VPS54: variants seen among roughly 807,000 people sequenced by gnomAD.
VPS54 encodes the protein vacuolar protein sorting-associated protein 54.
Under a neutral mutation model 121.5 loss-of-function variants are expected in VPS54, and 45 were observed. The ratio of observed to expected loss-of-function variants is 0.37; its 90% CI spans 0.29 to 0.47. VPS54 has a LOEUF of 0.47. Among genes scored for constraint, VPS54 ranks in the 20% least tolerant of loss-of-function variants. The probability of loss-of-function intolerance (pLI) is 0.99; values close to 1 mark genes in which losing one functional copy is unlikely to be tolerated. For missense variants in VPS54, 1,090 were observed against 1,131.4 expected (o/e 0.96, Z 0.52); for synonymous variants, 371 against 385.8 (o/e 0.96, Z 0.45).
At chr2:63,913,414 A>G (rs1188358601) in intron 17 of VPS54, 104 bp from the exon 18 acceptor site, 3 of 691,878 alleles carry the variant, frequency 4.3e-6, no homozygotes. Context: ...CTCTCATTCA[A>G]TGGCCAAATG....
chr2:64,015,279 G>A (rs949392625), intron 1 of VPS54, among the ~76,000 whole-genome samples: 1 of 151,992 alleles, frequency 6.6e-6, no homozygotes, highest in South Asian at 2.1e-4. Flanking sequence ...TTTCAGATTT[G>A]AAGACAACCT....
intron 12 of VPS54, among the ~76,000 whole-genome samples, chr2:63,927,456 T>G (rs1009724900): frequency 1.3e-5 from 2 of 152,034 alleles, no homozygotes; most frequent in Non-Finnish European, 2.9e-5. Context: ...AACAAAGGAA[T>G]AGCATCAACA....
At chr2:63,985,916 A>G (rs1008867078) in intron 1 of VPS54, among the ~76,000 whole-genome samples, 2 of 152,242 alleles carry the variant, frequency 1.3e-5, no homozygotes, top group East Asian at 3.8e-4. Flanking sequence ...ATAAACATGT[A>G]TCTTTATCTA....
chr2:63,973,594 T>C (rs1436540554), intron 3 of VPS54, among the ~76,000 whole-genome samples: 3 of 152,222 alleles, frequency 2.0e-5, no homozygotes, highest in African/African-American at 7.2e-5. Context: ...TCTAGTTCTG[T>C]TGCCCAGGCT....
intron 2 of VPS54, among the ~76,000 whole-genome samples, chr2:63,982,733 G>A (rs1158234928): frequency 6.6e-6 from 1 of 152,130 alleles, no homozygotes; most frequent in East Asian, 1.9e-4. Context: ...GCGCTTAGGG[G>A]CAATTTAAAC....
rs1286828125 is a variant in VPS54, at chr2:63,970,244, T to TATATATATATATATAGATATATATAG, written c.458-1254_458-1253insCTATATATATCTATATATATATATAT. On this transcript the variant is annotated intron_variant, in intron 4 of 22. Coordinates refer to ENST00000272322, the MANE Select transcript of VPS54 (RefSeq NM_016516.3). Reference sequence around the variant, plus strand: ...ACACACACACACACACACATTCTAATATATATATAGATATATATAGATATA... The same window carrying TATATATATATATATAGATATATATAG: ...ACACACACACACACACACATTCTAATATATATATATATATAGATATATATAGATATATATAGATATATATAGATATA... Among the ~76,000 whole-genome samples the TATATATATATATATAGATATATATAG allele has an allele frequency of 2.4e-3, 233 of 97,906 alleles. 4 individuals are homozygous for TATATATATATATATAGATATATATAG. The highest frequency in any genetic ancestry group is 8.7e-3 in the African/African-American group (213 of 24,472). The allele number at this position is 97,906 out of a possible 152,430, so 64.2% of individuals were successfully genotyped here. A position where few individuals can be genotyped will look rare whatever the true frequency, so the allele number is the denominator to read the frequency against.
intron 1 of VPS54, among the ~76,000 whole-genome samples, chr2:63,994,650 C>T (rs574552801): frequency 2.6e-5 from 4 of 152,306 alleles, no homozygotes; most frequent in African/African-American, 9.6e-5. Context: ...TACAGAGAAA[C>T]CAGGACATTT....
At chr2:63,950,496 C>T (rs1274692376) in intron 7 of VPS54, among the ~76,000 whole-genome samples, 1 of 152,180 alleles carries the variant, frequency 6.6e-6, no homozygotes, top group Non-Finnish European at 1.5e-5. Context: ...CTTTAAAAGG[C>T]AGTCTCTTAT....
chr2:63,902,742 G>C (rs1672735428), intron 20 of VPS54, among the ~76,000 whole-genome samples: 1 of 152,186 alleles, frequency 6.6e-6, no homozygotes, highest in Non-Finnish European at 1.5e-5. Context: ...GCTGAGGCGG[G>C]TGGATCACCT....
At chr2:63,963,053 C>G (rs1329347164) in intron 6 of VPS54, among the ~76,000 whole-genome samples, 1 of 151,978 alleles carries the variant, frequency 6.6e-6, no homozygotes, top group Non-Finnish European at 1.5e-5. Context: ...TCTATTATAC[C>G]ATTCTGCCTC....
chr2:63,949,980 T>A (rs1675163777), intron 7 of VPS54, among the ~76,000 whole-genome samples: 1 of 152,186 alleles, frequency 6.6e-6, no homozygotes, highest in East Asian at 1.9e-4. Context: ...CTTCTATCTC[T>A]TTTTCCTCAT....
chr2:63,905,190 AAAAT>A (rs1179383577), intron 20 of VPS54, among the ~76,000 whole-genome samples: 8 of 152,312 alleles, frequency 5.3e-5, no homozygotes, highest in Non-Finnish European at 7.4e-5. Context: ...AAGAAAATAG[AAAAT>A]AAATAACACA....
chr2:63,899,447 T>C (rs375815872), intron 21 of VPS54, 27 bp downstream of exon 21: 25 of 1,590,642 alleles, frequency 1.6e-5, no homozygotes, highest in African/African-American at 6.7e-5. Flanking sequence ...TATATATACA[T>C]GAATAGTTTT....
At chr2:63,964,518 T>G (rs768531805) in intron 6 of VPS54, among the ~76,000 whole-genome samples, 1 of 152,212 alleles carries the variant, frequency 6.6e-6, no homozygotes, top group Non-Finnish European at 1.5e-5. Context: ...GGGCATATAC[T>G]TAGAATATGA....
intron 6 of VPS54, among the ~76,000 whole-genome samples, chr2:63,963,237 A>C (rs960037935): frequency 2.0e-5 from 3 of 152,090 alleles, no homozygotes; most frequent in Non-Finnish European, 4.4e-5. Context: ...AAAGTTCGAC[A>C]AATACCTTAA....
intron 20 of VPS54, among the ~76,000 whole-genome samples, chr2:63,911,457 G>A (rs1165045283): frequency 1.3e-5 from 2 of 152,100 alleles, no homozygotes; most frequent in Non-Finnish European, 2.9e-5. Flanking sequence ...AGTAAAAGCC[G>A]CTTTCATAAT....
At chr2:63,911,866 T>G (rs1288884976) in intron 20 of VPS54, among the ~76,000 whole-genome samples, 1 of 152,198 alleles carries the variant, frequency 6.6e-6, no homozygotes, top group Middle Eastern at 3.2e-3. Flanking sequence ...CAAGCGTGAT[T>G]GGGGCTGACT....
At chr2:63,913,453 A>C (rs1169348737) in intron 17 of VPS54, 143 bp from the exon 18 acceptor site, 4 of 474,840 alleles carry the variant, frequency 8.4e-6, no homozygotes, top group Admixed American at 4.2e-5. Context: ...ATTAGTATCT[A>C]TTTATTTAAT....
At chr2:63,941,927 G>T (rs149914633) in intron 11 of VPS54, among the ~76,000 whole-genome samples, 1 of 151,458 alleles carries the variant, frequency 6.6e-6, no homozygotes, top group Non-Finnish European at 1.5e-5. Flanking sequence ...CTAGCTACTC[G>T]GGAGGCTGAG....
Sources: gnomAD v4.1 joint callset for allele counts (sites outside exome capture counted in the v4.1 genomes callset) on GRCh38, gnomAD v4.1.1 for gene constraint, MANE v1.5 for transcripts, NCBI Gene and HGNC (gene_info 2026-07-23, HGNC 2026-07-21) for gene names.